Variants in MAML2 observed in about 807,000 individuals in gnomAD.
MAML2 encodes mastermind-like protein 2.
In MAML2, 22 loss-of-function variants were observed where a neutral mutation model predicts 96.1. The ratio of observed to expected loss-of-function variants is 0.23; its 90% CI spans 0.16 to 0.33. The LOEUF (loss-of-function observed/expected upper bound fraction) is 0.33, where lower values mean the gene tolerates loss of function less well. Among genes scored for constraint, MAML2 ranks in the 10% least tolerant of loss-of-function variants. MAML2 has a pLI of 1.00. For synonymous variants in MAML2, 561 were observed against 521.3 expected, an observed-to-expected ratio of 1.08 and a Z score of -1.04; for missense variants, 1,367 against 1,392.4, an observed-to-expected ratio of 0.98 and a Z score of 0.29.
At chr11:96,184,591 CTTT>C (rs35327027) in intron 1 of MAML2, among the ~76,000 whole-genome samples, 1 of 128,194 alleles carries the variant, frequency 7.8e-6, no homozygotes. Context: ...AGTCATTTTA[CTTT>C]TTTTTTTTTT....
At chr11:96,095,366 T>C (rs1453351127) in intron 1 of MAML2, among the ~76,000 whole-genome samples, 1 of 152,214 alleles carries the variant, frequency 6.6e-6, no homozygotes, top group Non-Finnish European at 1.5e-5. Context: ...TTTTTCTCAC[T>C]CACAGGTGGT....
intron 1 of MAML2, among the ~76,000 whole-genome samples, chr11:96,335,224 T>C (rs1591138377): frequency 1.3e-5 from 2 of 152,348 alleles, no homozygotes; most frequent in Middle Eastern, 3.4e-3. Flanking sequence ...AGGAAATAAG[T>C]ACATCTCAAA....
chr11:96,163,368 A>G (rs1227727232), intron 1 of MAML2, among the ~76,000 whole-genome samples: 1 of 152,244 alleles, frequency 6.6e-6, no homozygotes, highest in Non-Finnish European at 1.5e-5. Context: ...CTATTTGTCT[A>G]CAGTGGCTAT....
chr11:96,004,534 T>G (rs1278461514), intron 2 of MAML2, among the ~76,000 whole-genome samples: 2 of 152,162 alleles, frequency 1.3e-5, no homozygotes, highest in Non-Finnish European at 1.5e-5. Context: ...GTTATACTCT[T>G]CAAGATAGCA....
intron 1 of MAML2, among the ~76,000 whole-genome samples, chr11:96,251,763 A>G (rs190056361): frequency 4.2e-4 from 61 of 144,596 alleles, no homozygotes; most frequent in African/African-American, 1.6e-3. Flanking sequence ...ACGGAGTCTC[A>G]CTCTGTCACC....
intron 1 of MAML2, among the ~76,000 whole-genome samples, chr11:96,192,685 C>G (rs1287543366): frequency 6.6e-6 from 1 of 152,200 alleles, no homozygotes; most frequent in Non-Finnish European, 1.5e-5. Flanking sequence ...ATGACGCCTT[C>G]TAACTACTCT....
At chr11:96,043,904 G>A (rs551329422) in intron 2 of MAML2, among the ~76,000 whole-genome samples, 2 of 152,318 alleles carry the variant, frequency 1.3e-5, no homozygotes, top group South Asian at 4.1e-4. Context: ...CCTAAGTGCT[G>A]GTGGTAACTC....
At chr11:96,154,855 G>T (rs149568722) in intron 1 of MAML2, among the ~76,000 whole-genome samples, 4 of 152,298 alleles carry the variant, frequency 2.6e-5, no homozygotes, top group Middle Eastern at 3.4e-3. Context: ...AAGATGTCCT[G>T]GAGGAAGCAT....
intron 2 of MAML2, among the ~76,000 whole-genome samples, chr11:96,075,210 G>A (rs894947349): frequency 9.2e-5 from 14 of 152,112 alleles, no homozygotes; most frequent in African/African-American, 3.1e-4. Context: ...GAAATCCATT[G>A]CCTATTATTA....
chr11:96,313,490 A>G (rs931614477), intron 1 of MAML2, among the ~76,000 whole-genome samples: 1 of 152,038 alleles, frequency 6.6e-6, no homozygotes, highest in African/African-American at 2.4e-5. Flanking sequence ...TCTTGGTCAC[A>G]CAGTCTTCAT....
At chr11:96,052,327 A>G (rs991366927) in intron 2 of MAML2, among the ~76,000 whole-genome samples, 1 of 152,188 alleles carries the variant, frequency 6.6e-6, no homozygotes, top group Non-Finnish European at 1.5e-5. Context: ...ACCATGAGGC[A>G]TCTACCACAT....
chr11:96,262,669 C>T (rs1862767547), intron 1 of MAML2, among the ~76,000 whole-genome samples: 1 of 152,110 alleles, frequency 6.6e-6, no homozygotes, highest in Non-Finnish European at 1.5e-5. Context: ...TGGGGTTTTA[C>T]CATGTTAGCC....
Position 95,978,801 on chromosome 11 carries a change from A to T in MAML2, c.*147T>A. The T allele has an allele frequency of 2.8e-6, 2 of 721,570 alleles. No individual in the cohort carries two copies. Among genetic ancestry groups the T allele is most frequent in the Non-Finnish European group, 4.4e-6 (2 of 456,906 alleles). The allele number at this position is 721,570 out of a possible 1,614,324, so 44.7% of individuals were successfully genotyped here. On this transcript the variant is annotated 3_prime_UTR_variant, in exon 5 of 5. Transcript: ENST00000524717. ...AACAAGAATTTGGACCAAAATGTTC[A>T]TCACTGCAGTTACTTTCTGCTTTCC...
intron 1 of MAML2, among the ~76,000 whole-genome samples, chr11:96,152,544 G>A (rs1860940512): frequency 1.3e-5 from 2 of 152,274 alleles, no homozygotes; most frequent in East Asian, 1.9e-4. Context: ...CTAAAGCGAG[G>A]GACCGTGGGG....
At chr11:96,220,321 T>C (rs187554415) in intron 1 of MAML2, among the ~76,000 whole-genome samples, 1 of 152,280 alleles carries the variant, frequency 6.6e-6, no homozygotes, top group East Asian at 1.9e-4. Context: ...GCCACTGCCT[T>C]GTGCTCTGCT....
At chr11:96,237,183 A>G (rs1862377188) in intron 1 of MAML2, among the ~76,000 whole-genome samples, 1 of 152,140 alleles carries the variant, frequency 6.6e-6, no homozygotes, top group Admixed American at 6.6e-5. Flanking sequence ...ATTTTATAGT[A>G]ATTTACCTTC....
intron 2 of MAML2, among the ~76,000 whole-genome samples, chr11:96,062,668 C>A (rs1203184119): frequency 6.6e-6 from 1 of 152,214 alleles, no homozygotes; most frequent in East Asian, 1.9e-4. Flanking sequence ...ATCCAGGAGG[C>A]AGCGCCCCTT....
chr11:96,111,998 C>T (rs1004033889), intron 1 of MAML2, among the ~76,000 whole-genome samples: 9 of 151,944 alleles, frequency 5.9e-5, no homozygotes, highest in African/African-American at 2.2e-4. Flanking sequence ...TATCACAGGG[C>T]CCCTACTTGA....
chr11:96,225,733 C>A (rs948141160), intron 1 of MAML2, among the ~76,000 whole-genome samples: 1 of 151,510 alleles, frequency 6.6e-6, no homozygotes, highest in African/African-American at 2.4e-5. Flanking sequence ...CTTGGGAGGC[C>A]GAGGCAGGAG....
Sources: allele counts gnomAD v4.1 joint callset (sites outside exome capture counted in the v4.1 genomes callset), GRCh38; gene constraint gnomAD v4.1.1; transcripts MANE v1.5; gene names NCBI Gene and HGNC (gene_info 2026-07-23, HGNC 2026-07-21).